The following CACNA1B variants were observed in gnomAD, a reference collection of about 807,000 sequenced individuals.
The protein encoded by CACNA1B is calcium voltage-gated channel subunit alpha1 B, also known as voltage-dependent N-type calcium channel subunit alpha-1B.
In CACNA1B, 70 loss-of-function variants were observed where a neutral mutation model predicts 247.2. That is an observed-to-expected ratio of 0.28 (90% confidence interval 0.23 to 0.35). The LOEUF is 0.35. Among genes scored for constraint, CACNA1B ranks in the 10% least tolerant of loss-of-function variants. The probability of loss-of-function intolerance (pLI) is 1.00; values close to 1 mark genes in which losing one functional copy is unlikely to be tolerated. For synonymous variants in CACNA1B, 1,231 were observed against 1,294.4 expected (o/e 0.95, Z 1.05); for missense variants, 2,367 against 3,197.4 (o/e 0.74, Z 6.26).
chr9:137,967,254 C>T (rs1451755587), intron 10 of CACNA1B, among the ~76,000 whole-genome samples: 1 of 152,162 alleles, frequency 6.6e-6, no homozygotes, highest in Non-Finnish European at 1.5e-5. Context: ...TGTACTAGTT[C>T]CATCACTCAA....
At chr9:137,997,166 G>A (rs1033184172) in intron 15 of CACNA1B, among the ~76,000 whole-genome samples, 7 of 152,186 alleles carry the variant, frequency 4.6e-5, no homozygotes, top group African/African-American at 1.4e-4. Context: ...CAGAGTTGCC[G>A]ATGGCTGAAA....
rs142495848 is a variant in CACNA1B, at chr9:137,950,536, C to T, written c.967-1738C>T. On this transcript the variant is annotated intron_variant, in intron 6 of 46. Coordinates refer to ENST00000371372, the MANE Select transcript of CACNA1B (RefSeq NM_000718.4). The surrounding 1 kb of genome is among the most constrained non-coding windows in gnomAD (Gnocchi z 4.8). ...AGGGTGAGGGGATTCGGATGCCTCA[C>T]TGCAGTCTAGGTGCTCCTCTGGGTC... 1.8e-3 allele frequency among the ~76,000 whole-genome samples: 281 copies of T among 152,316 alleles called. 1 individual carries two copies. Among genetic ancestry groups the T allele is most frequent in the East Asian group, 8.7e-3 (45 of 5,172 alleles).
chr9:138,026,973 C>T (rs754275303), intron 20 of CACNA1B, among the ~76,000 whole-genome samples: 16 of 152,166 alleles, frequency 1.1e-4, no homozygotes, highest in Non-Finnish European at 1.9e-4. Flanking sequence ...TCTAATTAAG[C>T]GTGTAATGAT....
chr9:138,008,331 G>A (rs1033547623), intron 16 of CACNA1B, among the ~76,000 whole-genome samples: 2 of 152,214 alleles, frequency 1.3e-5, no homozygotes, highest in South Asian at 2.1e-4. Context: ...TGCTGGCCAC[G>A]AGCGTCCCCC....
chr9:138,037,573 C>T (rs999953978), intron 20 of CACNA1B, among the ~76,000 whole-genome samples: 2 of 151,974 alleles, frequency 1.3e-5, no homozygotes, highest in South Asian at 4.2e-4. Context: ...CCAGGAGAAT[C>T]GCTTGAACAC....
At chr9:137,968,971 C>T (rs1451844471) in intron 10 of CACNA1B, among the ~76,000 whole-genome samples, 1 of 152,186 alleles carries the variant, frequency 6.6e-6, no homozygotes, top group Non-Finnish European at 1.5e-5. Context: ...GAAAAGAAGC[C>T]CAGTCTCTCT....
At chr9:138,091,197 A>G (rs543912617) in intron 36 of CACNA1B, among the ~76,000 whole-genome samples, 1 of 152,330 alleles carries the variant, frequency 6.6e-6, no homozygotes, top group South Asian at 2.1e-4. Context: ...ATGGAATACT[A>G]TTTAGCCATA....
At chr9:138,120,485 G>A in intron 45 of CACNA1B, 113 bp downstream of exon 45, 1 of 1,387,878 alleles carries the variant, frequency 7.2e-7, no homozygotes, top group Non-Finnish European at 9.6e-7. Context: ...CCCATAACCA[G>A]CCAGAGCAGG....
intron 20 of CACNA1B, among the ~76,000 whole-genome samples, 154 bp downstream of exon 20, chr9:138,025,326 G>A (rs545232372): frequency 6.6e-6 from 1 of 152,340 alleles, no homozygotes; most frequent in East Asian, 1.9e-4. Flanking sequence ...GTCAACATCT[G>A]TCCCTTGATG....
At chr9:138,083,286 C>T (rs1419862002) in intron 36 of CACNA1B, among the ~76,000 whole-genome samples, 3 of 150,870 alleles carry the variant, frequency 2.0e-5, no homozygotes, top group Non-Finnish European at 1.5e-5. Context: ...CTAACCAAGA[C>T]TGGTGGCCGA....
At position 138,122,295 on chromosome 9, in the gene CACNA1B, A is replaced by G. The variant is rs967237146; in HGVS notation, c.*296A>G. ...GGCTGAGAAGGACCCAGGAGTCCAA[A>G]TCCCGTGTCCTGGGACTCAGCATCC... On this transcript the variant is annotated 3_prime_UTR_variant, in exon 47 of 47. Coordinates refer to ENST00000371372, the MANE Select transcript of CACNA1B (RefSeq NM_000718.4). The G allele has an allele frequency of 9.0e-6, 4 of 443,846 alleles. No homozygotes were observed. Among genetic ancestry groups the G allele is most frequent in the African/African-American group, 2.0e-5 (1 of 50,994 alleles). 27.5% of individuals were successfully genotyped at this position (443,846 alleles called of 1,614,324 possible).
At position 138,009,149 on chromosome 9, in the gene CACNA1B, C is replaced by T. The variant is rs527612882; in HGVS notation, c.2093-861C>T. Among the ~76,000 whole-genome samples, 6 of 152,328 alleles carry T rather than the reference C, an allele frequency of 3.9e-5. No homozygotes were observed. The East Asian group carries it at 5.8e-4, about 15-fold the overall frequency. ...GTGATGGGACAAGGACCTGGTCCCG[C>T]GAGCTTTGAGAAGGAGGCCGCACAC... On this transcript the variant is annotated intron_variant, in intron 16 of 46. Transcript: ENST00000371372.
At chr9:138,001,812 A>G (rs1958580888) in intron 15 of CACNA1B, among the ~76,000 whole-genome samples, 2 of 152,204 alleles carry the variant, frequency 1.3e-5, no homozygotes, top group East Asian at 1.9e-4. Flanking sequence ...CATTCACAGT[A>G]GTAACAAAAC....
At chr9:138,087,919 CAA>C (rs1960755096) in intron 36 of CACNA1B, among the ~76,000 whole-genome samples, 1 of 151,724 alleles carries the variant, frequency 6.6e-6, no homozygotes, top group Non-Finnish European at 1.5e-5. Context: ...CAGAAACACA[CAA>C]AGATTTCAAA....
intron 39 of CACNA1B, among the ~76,000 whole-genome samples, chr9:138,109,887 A>G (rs2131359541): frequency 6.6e-6 from 1 of 152,148 alleles, no homozygotes; most frequent in South Asian, 2.1e-4. Flanking sequence ...CTTGGCCAAC[A>G]TGGTGAAACC....
intron 18 of CACNA1B, among the ~76,000 whole-genome samples, chr9:138,022,585 C>A (rs1286245054): frequency 2.0e-5 from 3 of 152,068 alleles, no homozygotes; most frequent in Admixed American, 1.3e-4. Flanking sequence ...GGCCAGCTCC[C>A]AGGGAGGCTA....
At chr9:138,005,985 G>T (rs1008174063) in intron 15 of CACNA1B, among the ~76,000 whole-genome samples, 6 of 145,990 alleles carry the variant, frequency 4.1e-5, no homozygotes, top group Non-Finnish European at 7.4e-5. Flanking sequence ...GGAGCTTGCA[G>T]TGAGCCGAGA....
In CACNA1B at chr9:138,121,411, GTTCGGCTTTTT is replaced by G; in HGVS notation, c.6490-55_6490-45del. ...TGTGTGTGATGTGCTCTGTCTGTTG[GTTCGGCTTTTT>G]TTTTTTTTTTTTTACCTCTGATTTG... On this transcript the variant is annotated intron_variant, in intron 46 of 46. Transcript: ENST00000371372. This position sits in a 1 kb window ranked among gnomAD's most constrained non-coding sequence, Gnocchi z 6.8. The G allele has an allele frequency of 8.1e-7, 1 of 1,238,808 alleles. No individual in the cohort carries two copies. Among genetic ancestry groups the G allele is most frequent in the Non-Finnish European group, 1.1e-6 (1 of 908,212 alleles). The allele number at this position is 1,238,808 out of a possible 1,614,324, so 76.7% of individuals were successfully genotyped here. A position where few individuals can be genotyped will look rare whatever the true frequency, so the allele number is the denominator to read the frequency against.
intron 5 of CACNA1B, among the ~76,000 whole-genome samples, chr9:137,916,819 GGTGGTTTGGCT>G (rs1957417838): frequency 1.3e-5 from 2 of 152,052 alleles, no homozygotes; most frequent in African/African-American, 4.8e-5. Context: ...CAGTCAGCGT[GGTGGTTTGGCT>G]GTGAGGGAGG....
Sources: gnomAD v4.1 joint callset for allele counts (sites outside exome capture counted in the v4.1 genomes callset) on GRCh38, gnomAD v4.1.1 for gene constraint, Gnocchi (gnomAD v3.1) non-coding constraint, MANE v1.5 for transcripts, NCBI Gene and HGNC (gene_info 2026-07-23, HGNC 2026-07-21) for gene names.